The following PREX2 variants were observed in gnomAD, a reference collection of about 807,000 sequenced individuals.
PREX2 encodes the protein phosphatidylinositol-3,4,5-trisphosphate dependent Rac exchange factor 2.
In PREX2, 107 loss-of-function variants were observed where a neutral mutation model predicts 203.2. The ratio of observed to expected loss-of-function variants is 0.53; its 90% CI spans 0.45 to 0.62. The LOEUF is 0.62. Ranked by LOEUF, PREX2 falls within the 20% of genes least tolerant of loss-of-function variation. The pLI, the probability that PREX2 is intolerant of heterozygous loss-of-function variation, is 0.00. For missense variants in PREX2, 1,777 were observed against 1,955.9 expected (o/e 0.91, Z 1.72); for synonymous variants, 672 against 663.6 (o/e 1.01, Z -0.19).
intron 37 of PREX2, among the ~76,000 whole-genome samples, chr8:68,203,280 C>G (rs1812544897): frequency 6.6e-6 from 1 of 152,170 alleles, no homozygotes; most frequent in African/African-American, 2.4e-5. Flanking sequence ...ATGATTCTGA[C>G]TCACCAGCTT....
chr8:68,138,388 T>A (rs1482084120), intron 32 of PREX2, 27 bp from the exon 33 acceptor site: 1 of 1,194,108 alleles, frequency 8.4e-7, no homozygotes, highest in Admixed American at 2.0e-5. Context: ...TCATCTTGTA[T>A]TATATATTGT....
chr8:68,007,802 G>A (rs1031638784), intron 1 of PREX2, among the ~76,000 whole-genome samples: 3 of 152,086 alleles, frequency 2.0e-5, no homozygotes, highest in Non-Finnish European at 4.4e-5. Flanking sequence ...GTAGAGACGG[G>A]GTTTCACTGT....
At chr8:68,087,900 T>C (rs1211272001) in intron 19 of PREX2, 91 bp downstream of exon 19, 1 of 839,430 alleles carries the variant, frequency 1.2e-6, no homozygotes, top group Non-Finnish European at 2.1e-6. Context: ...GGCAGAACCA[T>C]GCTGTGATGA....
intron 8 of PREX2, among the ~76,000 whole-genome samples, chr8:68,050,197 T>C (rs1808484963): frequency 6.6e-6 from 1 of 152,184 alleles, no homozygotes; most frequent in East Asian, 1.9e-4. Context: ...TTTAAAATAC[T>C]AGTGCAGCAA....
chr8:68,181,756 C>T (rs1323736142), intron 35 of PREX2, among the ~76,000 whole-genome samples: 1 of 151,986 alleles, frequency 6.6e-6, no homozygotes, highest in African/African-American at 2.4e-5. Context: ...AGCTATTATT[C>T]ATCAATAAAT....
At chr8:68,025,415 T>G (rs189512796) in intron 4 of PREX2, among the ~76,000 whole-genome samples, 1 of 152,140 alleles carries the variant, frequency 6.6e-6, no homozygotes, top group East Asian at 1.9e-4. Flanking sequence ...CATTTTTCTC[T>G]TTTTTGCTGC....
At chr8:68,078,570 A>G (rs957552090) in intron 15 of PREX2, among the ~76,000 whole-genome samples, 4 of 152,210 alleles carry the variant, frequency 2.6e-5, no homozygotes, top group African/African-American at 9.6e-5. Flanking sequence ...TGAAGAAGGA[A>G]GTACAGCAAA....
At chr8:68,041,730 A>G (rs145863832) in intron 7 of PREX2, among the ~76,000 whole-genome samples, 104 of 152,188 alleles carry the variant, frequency 6.8e-4, no homozygotes, top group African/African-American at 2.3e-3. Flanking sequence ...AAGAAACTGT[A>G]ATGTGAATCA....
intron 14 of PREX2, among the ~76,000 whole-genome samples, chr8:68,074,528 C>T (rs1390195838): frequency 6.6e-6 from 1 of 152,102 alleles, no homozygotes; most frequent in Non-Finnish European, 1.5e-5. Flanking sequence ...TGTAAAACAT[C>T]CTAATGTAAG....
chr8:68,000,202 C>T lies in PREX2; in HGVS notation c.142-17644C>T, dbSNP rs545240337. On this transcript the variant is annotated intron_variant, in intron 1 of 39. Coordinates refer to ENST00000288368, the MANE Select transcript of PREX2 (RefSeq NM_024870.4). The stretch of plus-strand genomic sequence containing the variant: ...TGATCCTATATCTATAAAAGCGTAT[C>T]GTCTTAGCCCTGAAGCTCCTTAAGC... 8.3e-4 allele frequency among the ~76,000 whole-genome samples: 126 copies of T among 152,278 alleles called. No homozygotes were observed. The Middle Eastern group carries it at 0.014, about 16-fold the overall frequency.
chr8:67,969,455 G>T (rs750646938), intron 1 of PREX2, among the ~76,000 whole-genome samples: 1 of 152,044 alleles, frequency 6.6e-6, no homozygotes, highest in Non-Finnish European at 1.5e-5. Context: ...GTGGCCTTTA[G>T]GCTTGTGATG....
At chr8:68,118,870 G>A (rs1436788357) in intron 27 of PREX2, 1 of 663,432 alleles carries the variant, frequency 1.5e-6, no homozygotes, top group Admixed American at 1.8e-5. Flanking sequence ...CAAACTAATT[G>A]TAATCTTCAG....
intron 37 of PREX2, among the ~76,000 whole-genome samples, chr8:68,204,725 C>T (rs1478934651): frequency 1.8e-4 from 22 of 125,232 alleles, no homozygotes; most frequent in Non-Finnish European, 2.6e-4. Context: ...AGCTCTGTTG[C>T]CCAGGCTAGA....
At chr8:68,077,337 A>G in intron 14 of PREX2, 60 bp from the exon 15 acceptor site, 1 of 1,217,248 alleles carries the variant, frequency 8.2e-7, no homozygotes, top group Admixed American at 1.7e-5. Context: ...TAAATGGAGC[A>G]AAGCTGCCAC....
At chr8:68,089,551 T>C (rs1443180223) in intron 19 of PREX2, among the ~76,000 whole-genome samples, 1 of 152,322 alleles carries the variant, frequency 6.6e-6, no homozygotes, top group East Asian at 1.9e-4. Context: ...TGCTTCCAAG[T>C]GGCCAGGTGA....
chr8:68,027,310 C>T lies in PREX2; in HGVS notation c.530C>T (p.Pro177Leu), dbSNP rs1563507109. The change falls in exon 5 of 40, where the codon CCT becomes CTT. Residue 177 changes from proline (P) to leucine (L), a missense_variant. Transcript: ENST00000288368. ...CCAATACAAAGAATATGCAAGTACCCTCTTATTTTGAAGGTATTTTATGTG... is the reference window on the plus strand; with the variant it reads ...CCAATACAAAGAATATGCAAGTACCTTCTTATTTTGAAGGTATTTTATGTG... ...VTPIQRICKY[P>L]LILKELLKRT... 1 of 1,591,476 alleles carries T rather than the reference C, an allele frequency of 6.3e-7. No individual in the cohort carries two copies. The highest frequency in any genetic ancestry group is 1.3e-5 in the African/African-American group (1 of 74,514).
chr8:67,968,894 G>A (rs1805846622), intron 1 of PREX2, among the ~76,000 whole-genome samples: 1 of 152,202 alleles, frequency 6.6e-6, no homozygotes, highest in African/African-American at 2.4e-5. Flanking sequence ...AACTTTAAAG[G>A]CAAGACTTGC....
At chr8:68,160,093 T>C (rs1363633649) in intron 35 of PREX2, among the ~76,000 whole-genome samples, 1 of 152,206 alleles carries the variant, frequency 6.6e-6, no homozygotes, top group Non-Finnish European at 1.5e-5. Flanking sequence ...CTTGTTCCAC[T>C]TGATGTTGGG....
At chr8:68,193,584 A>T (rs1400145916) in intron 37 of PREX2, among the ~76,000 whole-genome samples, 1 of 152,236 alleles carries the variant, frequency 6.6e-6, no homozygotes, top group East Asian at 1.9e-4. Context: ...AAGCAAAAAA[A>T]ATTTCAAAAA....
Sources: allele counts gnomAD v4.1 joint callset (sites outside exome capture counted in the v4.1 genomes callset), GRCh38; gene constraint gnomAD v4.1.1; transcripts MANE v1.5; gene names NCBI Gene and HGNC (gene_info 2026-07-23, HGNC 2026-07-21).